Variants in CTNNA2 observed in about 807,000 individuals in gnomAD.
CTNNA2 encodes catenin alpha-2.
A neutral mutation model predicts 101.0 loss-of-function variants in CTNNA2; 42 were observed. The ratio of observed to expected loss-of-function variants is 0.42; its 90% CI spans 0.32 to 0.54. CTNNA2 has a LOEUF of 0.54. CTNNA2 is among the 20% of genes least tolerant of loss of function. CTNNA2 has a pLI of 0.14. For synonymous variants in CTNNA2, 450 were observed against 456.4 expected (o/e 0.99, Z 0.18); for missense variants, 871 against 1,223.1 (o/e 0.71, Z 4.29).
Position 80,290,148 on chromosome 2 carries a change from G to C in CTNNA2, c.1057-103063G>C, listed in dbSNP as rs553255519. Among the ~76,000 whole-genome samples the C allele has an allele frequency of 1.4e-4, 21 of 152,228 alleles. No homozygotes were observed. In the South Asian group the frequency reaches 4.1e-3, roughly 30 times the overall value. ...ATTGTTTTCTGAATTTTATAGACAA[G>C]GGAATTGAGGTACAGAAAAGTGCTG... On this transcript the variant is annotated intron_variant, in intron 7 of 18. Coordinates refer to ENST00000402739, the MANE Select transcript of CTNNA2 (RefSeq NM_001282597.3).
At chr2:80,637,194 CATAATA>C (rs1672974114) in intron 18 of CTNNA2, among the ~76,000 whole-genome samples, 1 of 152,122 alleles carries the variant, frequency 6.6e-6, no homozygotes, top group Admixed American at 6.5e-5. Flanking sequence ...AAAGATGGGT[CATAATA>C]ATAATAAAAG....
chr2:79,650,619 C>CTT (rs147904134), intron 1 of CTNNA2, among the ~76,000 whole-genome samples: 1 of 141,038 alleles, frequency 7.1e-6, no homozygotes. Flanking sequence ...CTCTGTGTTT[C>CTT]TTTTTTTTTT....
At chr2:80,588,609 T>C (rs1558619485) in intron 14 of CTNNA2, among the ~76,000 whole-genome samples, 1 of 152,194 alleles carries the variant, frequency 6.6e-6, no homozygotes, top group East Asian at 1.9e-4. Flanking sequence ...CTAGCAGTTA[T>C]TGAAAATGAA....
intron 15 of CTNNA2, among the ~76,000 whole-genome samples, chr2:80,589,915 C>T (rs541055231): frequency 2.5e-4 from 38 of 150,778 alleles, no homozygotes; most frequent in African/African-American, 6.4e-4. Flanking sequence ...TGCGCGCGCG[C>T]GCATGTATAC....
intron 2 of CTNNA2, among the ~76,000 whole-genome samples, chr2:79,231,905 C>T (rs1200819907): frequency 1.3e-5 from 2 of 152,054 alleles, no homozygotes. Flanking sequence ...TATAGCTGAT[C>T]TTGTATCCTA....
chr2:79,744,296 A>T, intron 2 of CTNNA2, 91 bp from the exon 3 acceptor site: 1 of 1,257,416 alleles, frequency 8.0e-7, no homozygotes, highest in African/African-American at 1.5e-5. Context: ...CCCATGATTT[A>T]ATAAACACGG....
At chr2:79,617,399 A>G (rs1029991792) in intron 1 of CTNNA2, among the ~76,000 whole-genome samples, 36 of 152,038 alleles carry the variant, frequency 2.4e-4, no homozygotes, top group African/African-American at 8.7e-4. Context: ...TGTCTTTTAA[A>G]TTCTCTTATT....
At chr2:79,392,319 T>C (rs1678182993) in intron 4 of CTNNA2, among the ~76,000 whole-genome samples, 1 of 152,112 alleles carries the variant, frequency 6.6e-6, no homozygotes, top group African/African-American at 2.4e-5. Flanking sequence ...TGGGGTGAGG[T>C]TCAAAACCGT....
chr2:80,595,703 G>C (rs1377315476), intron 15 of CTNNA2, among the ~76,000 whole-genome samples: 1 of 152,066 alleles, frequency 6.6e-6, no homozygotes, highest in East Asian at 1.9e-4. Context: ...TGAGGTCTCT[G>C]TTATGTTCTG....
chr2:79,683,032 T>A (rs749711422), intron 2 of CTNNA2, among the ~76,000 whole-genome samples: 43 of 152,242 alleles, frequency 2.8e-4, no homozygotes, highest in Middle Eastern at 3.2e-3. Context: ...TGGTGGTTTT[T>A]GAAATGACTT....
intron 2 of CTNNA2, among the ~76,000 whole-genome samples, chr2:79,725,795 A>G (rs181051774): frequency 5.5e-4 from 83 of 152,264 alleles, no homozygotes; most frequent in African/African-American, 1.9e-3. Flanking sequence ...TTTTTTCCAT[A>G]GATCATTTAT....
At chr2:80,311,921 G>T (rs545110126) in intron 7 of CTNNA2, among the ~76,000 whole-genome samples, 3 of 152,266 alleles carry the variant, frequency 2.0e-5, no homozygotes, top group South Asian at 2.1e-4. Context: ...ACATTCCAAG[G>T]TTCAGATTTC....
chr2:79,360,107 G>A (rs985848692), intron 3 of CTNNA2, among the ~76,000 whole-genome samples: 1 of 152,210 alleles, frequency 6.6e-6, no homozygotes, highest in Non-Finnish European at 1.5e-5. Context: ...GACCAAGTCT[G>A]AGAACCACAG....
Position 79,668,018 on chromosome 2 carries a change from A to G in CTNNA2, c.102+16360A>G, listed in dbSNP as rs934673815. ...CACTTTGGGAGGCCGAGGCGGGTGG[A>G]TCATGAGGTCAGGAGATCGAGACCA... is the stretch of plus-strand genomic sequence containing the variant. On this transcript the variant is annotated intron_variant, in intron 2 of 18. Coordinates refer to ENST00000402739, the MANE Select transcript of CTNNA2 (RefSeq NM_001282597.3). Among the ~76,000 whole-genome samples, 15 of 150,958 alleles carry G rather than the reference A, an allele frequency of 9.9e-5. 1 individual carries two copies. In the East Asian group the frequency reaches 3.2e-3, roughly 32 times the overall value.
At chr2:79,591,814 A>C (rs1676867257) in intron 1 of CTNNA2, among the ~76,000 whole-genome samples, 1 of 150,348 alleles carries the variant, frequency 6.7e-6, no homozygotes, top group Admixed American at 6.6e-5. Flanking sequence ...GTTAATACAT[A>C]TGTTCTCTTT....
intron 1 of CTNNA2, among the ~76,000 whole-genome samples, chr2:79,572,624 C>T (rs971263851): frequency 2.0e-5 from 3 of 152,106 alleles, no homozygotes; most frequent in Non-Finnish European, 4.4e-5. Flanking sequence ...TGGTGGCCCA[C>T]GCCTGTAGTC....
At chr2:80,442,331 T>G (rs1264491453) in intron 9 of CTNNA2, among the ~76,000 whole-genome samples, 2 of 152,216 alleles carry the variant, frequency 1.3e-5, no homozygotes, top group Non-Finnish European at 2.9e-5. Flanking sequence ...GACCAGTGTC[T>G]TCTTAGTTGT....
chr2:79,797,700 T>G (rs1039262643), intron 3 of CTNNA2, among the ~76,000 whole-genome samples: 1 of 147,878 alleles, frequency 6.8e-6, no homozygotes, highest in African/African-American at 2.5e-5. Context: ...AACAGAAAAA[T>G]TGCCCCTGTT....
chr2:80,578,618 C>T (rs527567115), intron 13 of CTNNA2, among the ~76,000 whole-genome samples: 55 of 152,200 alleles, frequency 3.6e-4, no homozygotes, highest in Non-Finnish European at 2.4e-4. Flanking sequence ...GGGTTTGTTG[C>T]GTGTTTAAGG....
Sources: gnomAD v4.1 joint callset for allele counts (sites outside exome capture counted in the v4.1 genomes callset) on GRCh38, gnomAD v4.1.1 for gene constraint, MANE v1.5 for transcripts, NCBI Gene and HGNC (gene_info 2026-07-23, HGNC 2026-07-21) for gene names.